The following PEAK1 variants were observed in gnomAD, a reference collection of about 807,000 sequenced individuals.
The protein encoded by PEAK1 is pseudopodium enriched atypical kinase 1.
PEAK1 carries 54 observed loss-of-function variants against 124.7 expected under a neutral mutation model. The ratio of observed to expected loss-of-function variants is 0.43; its 90% CI spans 0.35 to 0.54. PEAK1 has a LOEUF of 0.54. PEAK1 is among the 20% of genes least tolerant of loss of function. The pLI is 0.01. For missense variants in PEAK1, 2,046 were observed against 2,134.5 expected (o/e 0.96, Z 0.82); for synonymous variants, 719 against 760.0 (o/e 0.95, Z 0.89).
intron 5 of PEAK1, among the ~76,000 whole-genome samples, chr15:77,275,825 T>A (rs913070982): frequency 6.6e-6 from 1 of 151,896 alleles, no homozygotes; most frequent in African/African-American, 2.4e-5. Flanking sequence ...CAGCCACCAT[T>A]AAAATGCTTC....
rs73459101 is a variant in PEAK1, at chr15:77,293,000, C to G, written c.-602-6496G>C. Among the ~76,000 whole-genome samples the G allele has an allele frequency of 4.2e-3, 645 of 152,170 alleles. 4 individuals are homozygous for G. The highest frequency in any genetic ancestry group is 0.015 in the African/African-American group (616 of 41,498). ...TAAAATACTAAGCTCATCATATGCC[C>G]TTATTCCAAACCAGTCTTCTGCTGT... On this transcript the variant is annotated intron_variant, in intron 2 of 9. Coordinates refer to ENST00000682557, the MANE Select transcript of PEAK1 (RefSeq NM_001385026.1).
intron 2 of PEAK1, among the ~76,000 whole-genome samples, chr15:77,287,401 A>G (rs536160808): frequency 4.5e-4 from 68 of 152,386 alleles, no homozygotes; most frequent in African/African-American, 1.6e-3. Flanking sequence ...AGCTGACCAA[A>G]TAAGTGGCAA....
At chr15:77,189,439 A>ACAGCAGCAG (rs145143746) in intron 6 of PEAK1, among the ~76,000 whole-genome samples, 1 of 151,386 alleles carries the variant, frequency 6.6e-6, no homozygotes, top group Non-Finnish European at 1.5e-5. Flanking sequence ...GACAGTCCAC[A>ACAGCAGCAG]CAGCAGCAGC....
chr15:77,180,149 A>T lies in PEAK1; in HGVS notation c.1778T>A (p.Ile593Asn). The T allele has an allele frequency of 1.2e-6, 2 of 1,614,120 alleles. No homozygotes were observed. ...AGCATTGTTATAACTATTAAATTTA[A>T]TTTCAGACAAATTAGGTGACTTAAC... ...IPVKSPNLSE[I>N]KFNSYNNAGM... The change falls in exon 7 of 10, where the codon ATT becomes AAT. Residue 593 changes from isoleucine to asparagine, a missense_variant. Ile to Asn is a moderately radical substitution (Grantham distance 149). Transcript: ENST00000682557.
intron 7 of PEAK1, among the ~76,000 whole-genome samples, chr15:77,176,573 A>G (rs573403902): frequency 6.6e-6 from 1 of 152,364 alleles, no homozygotes; most frequent in South Asian, 2.1e-4. Context: ...ACATGGTTAA[A>G]TTTAAGAACC....
At chr15:77,316,477 G>T (rs1446357256) in intron 2 of PEAK1, among the ~76,000 whole-genome samples, 2 of 152,106 alleles carry the variant, frequency 1.3e-5, no homozygotes, top group Non-Finnish European at 2.9e-5. Context: ...GGTTCCCAAA[G>T]CAGGTTAAGT....
intron 1 of PEAK1, among the ~76,000 whole-genome samples, chr15:77,391,132 AC>A (rs1400651292): frequency 6.6e-6 from 1 of 152,092 alleles, no homozygotes; most frequent in Non-Finnish European, 1.5e-5. Context: ...CTTCTTAGTT[AC>A]CCCAGCAAAT....
chr15:77,342,650 C>A (rs887276950), intron 2 of PEAK1, among the ~76,000 whole-genome samples: 5 of 152,134 alleles, frequency 3.3e-5, no homozygotes, highest in Non-Finnish European at 7.4e-5. Context: ...CTCAAGCAAT[C>A]CTCCCGCCTT....
intron 5 of PEAK1, among the ~76,000 whole-genome samples, chr15:77,269,725 C>T (rs900527780): frequency 6.6e-6 from 1 of 152,086 alleles, no homozygotes; most frequent in African/African-American, 2.4e-5. Context: ...CCAAGACAGA[C>T]CATATGACAG....
intron 2 of PEAK1, chr15:77,347,819 A>C: frequency 1.0e-6 from 1 of 985,264 alleles, no homozygotes; most frequent in Non-Finnish European, 1.2e-6. Flanking sequence ...TAGCAAGCAC[A>C]AAACAGTGTT....
intron 6 of PEAK1, among the ~76,000 whole-genome samples, chr15:77,232,743 T>C (rs913066944): frequency 8.5e-5 from 13 of 152,162 alleles, no homozygotes; most frequent in Non-Finnish European, 7.4e-5. Context: ...AATACCTTTC[T>C]TCTCTCTCTG....
At chr15:77,186,065 C>G (rs2057531338) in intron 6 of PEAK1, among the ~76,000 whole-genome samples, 1 of 152,004 alleles carries the variant, frequency 6.6e-6, no homozygotes, top group South Asian at 2.1e-4. Context: ...TGTGGAAACT[C>G]AGAAAAGCAT....
At chr15:77,349,017 A>T in intron 2 of PEAK1, 1 of 947,756 alleles carries the variant, frequency 1.1e-6, no homozygotes, top group Non-Finnish European at 1.3e-6. Context: ...CTTAGCAAGC[A>T]ATCACAATTT....
chr15:77,348,258 C>T (rs926141936), intron 2 of PEAK1: 8 of 932,346 alleles, frequency 8.6e-6, no homozygotes, highest in Middle Eastern at 5.5e-4. Flanking sequence ...CACTAATTAG[C>T]GTACAACATC....
In PEAK1 at chr15:77,284,004, C is replaced by G; in HGVS notation, c.-396G>C. On this transcript the variant is annotated 5_prime_UTR_variant, in exon 5 of 10. Coordinates refer to ENST00000682557, the MANE Select transcript of PEAK1 (RefSeq NM_001385026.1). ...ATTCTCACTTTCTCACAAAATGGTA[C>G]TTCATTGAAGGATGTAATTAGTCTC... 1 of 985,090 alleles carries G rather than the reference C, an allele frequency of 1.0e-6. No homozygotes were observed. Among genetic ancestry groups the G allele is most frequent in the Non-Finnish European group, 1.2e-6 (1 of 829,676 alleles). The allele number at this position is 985,090 out of a possible 1,614,324, so 61.0% of individuals were successfully genotyped here. A position where few individuals can be genotyped will look rare whatever the true frequency, so the allele number is the denominator to read the frequency against.
rs2060922589 is a variant in PEAK1, at chr15:77,252,450, T to A, written c.-198A>T. On this transcript the variant is annotated 5_prime_UTR_variant, in exon 6 of 10. Coordinates refer to ENST00000682557, the MANE Select transcript of PEAK1 (RefSeq NM_001385026.1). The stretch of plus-strand genomic sequence containing the variant: ...AAAACATTCCTTCCAAATTTCAAGG[T>A]GCTTTGGGTCTTTCCAAGATGAATG... 2 of 984,960 alleles carry A rather than the reference T, an allele frequency of 2.0e-6. No individual in the cohort carries two copies. Among genetic ancestry groups the A allele is most frequent in the Non-Finnish European group, 2.4e-6 (2 of 829,502 alleles). 61.0% of individuals were successfully genotyped at this position (984,960 alleles called of 1,614,324 possible).
Position 77,258,713 on chromosome 15 carries a change from T to C in PEAK1, c.-274-6187A>G, listed in dbSNP as rs377104999. 1.9e-4 allele frequency among the ~76,000 whole-genome samples: 29 copies of C among 152,274 alleles called. No homozygotes were observed. In the East Asian group the frequency reaches 3.7e-3, roughly 19 times the overall value. ...TCCTCTTTTCCTAATTGAATACCCT[T>C]TATTTCCTTCTCCTGCCTGATTGCC... On this transcript the variant is annotated intron_variant, in intron 5 of 9. Transcript: ENST00000682557.
At chr15:77,225,269 T>C (rs772235027) in intron 6 of PEAK1, among the ~76,000 whole-genome samples, 1 of 152,026 alleles carries the variant, frequency 6.6e-6, no homozygotes, top group Non-Finnish European at 1.5e-5. Flanking sequence ...GTTAAGAGTC[T>C]GGTGTGTAAC....
At chr15:77,314,220 A>C (rs2064724233) in intron 2 of PEAK1, among the ~76,000 whole-genome samples, 2 of 152,090 alleles carry the variant, frequency 1.3e-5, no homozygotes, top group African/African-American at 4.8e-5. Flanking sequence ...ATAAAATGTA[A>C]ATTTGTTGAA....
Sources: gnomAD v4.1 joint callset for allele counts (sites outside exome capture counted in the v4.1 genomes callset) on GRCh38, gnomAD v4.1.1 for gene constraint, MANE v1.5 for transcripts, NCBI Gene and HGNC (gene_info 2026-07-23, HGNC 2026-07-21) for gene names.